LIPT1: variants seen among roughly 807,000 people sequenced by gnomAD.
LIPT1 encodes lipoyltransferase 1, also known as lipoyl amidotransferase LIPT1, mitochondrial.
A neutral mutation model predicts 25.1 loss-of-function variants in LIPT1; 22 were observed. That is an observed-to-expected ratio of 0.88 (90% CI 0.63 to 1.25). The LOEUF is 1.25. LIPT1 is among the 50% of genes most tolerant of loss of function. The probability of loss-of-function intolerance (pLI) is 0.00; values close to 1 mark genes in which losing one functional copy is unlikely to be tolerated. For missense variants in LIPT1, 399 were observed against 432.8 expected, an observed-to-expected ratio of 0.92 and a Z score of 0.69; for synonymous variants, 131 against 150.8, an observed-to-expected ratio of 0.87 and a Z score of 0.96.
At chr2:99,155,315 CT>C (rs1345819361) in intron 1 of LIPT1, 3 of 370,886 alleles carry the variant, frequency 8.1e-6, no homozygotes, top group African/African-American at 4.2e-5. Flanking sequence ...TGCACGCCCC[CT>C]GGGAGCCAAA....
rs771711052 is a variant in LIPT1, at chr2:99,162,810, T to C, written c.853T>C (p.Phe285Leu). The stretch of plus-strand genomic sequence containing the variant: ...TCCAAAGTTTAGTATAAATACTTCC[T>C]TTCATGTGTTATATGAACAGTCACA... ...KTPKFSINTS[F>L]HVLYEQSHLE... Residue 285 changes from phenylalanine to leucine, a missense_variant, in exon 2 of 2, where the codon TTT becomes CTT. Physicochemically the swap from Phe to Leu is conservative, Grantham distance 22. Transcript: ENST00000651691. 3 of 1,614,102 alleles carry C rather than the reference T, an allele frequency of 1.9e-6. No individual in the cohort carries two copies. Among genetic ancestry groups the C allele is most frequent in the Admixed American group, 3.3e-5 (2 of 60,020 alleles).
chr2:99,157,743 G>A (rs757995372), intron 1 of LIPT1, among the ~76,000 whole-genome samples: 8 of 152,050 alleles, frequency 5.3e-5, no homozygotes, highest in Non-Finnish European at 7.4e-5. Flanking sequence ...CTGTATGTCC[G>A]TTAAATGTTG....
chr2:99,155,224 C>G (rs916948273), intron 1 of LIPT1, 173 bp downstream of exon 1: 3 of 372,074 alleles, frequency 8.1e-6, no homozygotes, highest in African/African-American at 6.3e-5. Context: ...TTGGGACGAC[C>G]TAATTTCACT....
At position 99,162,587 on chromosome 2, in the gene LIPT1, C is replaced by T. The variant is rs1345428943; in HGVS notation, c.630C>T (p.Ser210=). The T allele has an allele frequency of 7.4e-6, 12 of 1,614,032 alleles. No homozygotes were observed. In the Admixed American group the frequency reaches 2.0e-4, roughly 27 times the overall value. The change falls in exon 2 of 2, where the codon TCC becomes TCT. Residue 210 remains serine, a synonymous_variant. Transcript: ENST00000651691. ...GCAATGCCACTGCTAGCATACCTTC[C>T]TTAGTGAAAAATCTTTTGGAAAAGG... is the stretch of plus-strand genomic sequence containing the variant. ...IRSNATASIP[S]LVKNLLEKDP...
rs1351097491 is a variant in LIPT1 at position 99,162,279 on chromosome 2, C to CATGAT, written c.326_330dup (p.Gly111IlefsTer7). ...AAGAAGTGGAGGAGGAACAGTCTACCATGATATGGGTAATATCAATTTGAC... is the reference window on the plus strand; with the variant it reads ...AAGAAGTGGAGGAGGAACAGTCTACCATGATATGATATGGGTAATATCAATTTGAC... On this transcript the variant is annotated frameshift_variant, in exon 2 of 2. Coordinates refer to ENST00000651691, the MANE Select transcript of LIPT1 (RefSeq NM_145199.3). LOFTEE classifies it high-confidence loss of function. The CATGAT allele has an allele frequency of 6.2e-7, 1 of 1,612,140 alleles. No individual in the cohort carries two copies. Among genetic ancestry groups the CATGAT allele is most frequent in the Non-Finnish European group, 8.5e-7 (1 of 1,179,202 alleles).
intron 1 of LIPT1, among the ~76,000 whole-genome samples, chr2:99,159,696 T>C (rs896289930): frequency 6.6e-6 from 1 of 152,310 alleles, no homozygotes; most frequent in South Asian, 2.1e-4. Context: ...AAATACTTGT[T>C]GAATGAATAT....
At position 99,161,878 on chromosome 2, in the gene LIPT1, C is replaced by T. The variant is rs1395473018; in HGVS notation, c.-1-79C>T. 3.1e-5 allele frequency: 40 copies of T among 1,283,570 alleles called. 1 individual carries two copies. Among genetic ancestry groups the T allele is most frequent in the South Asian group, 3.1e-4 (20 of 65,108 alleles). 79.5% of individuals were successfully genotyped at this position (1,283,570 alleles called of 1,614,324 possible). On this transcript the variant is annotated intron_variant, in intron 1 of 1. Transcript: ENST00000651691. Reference sequence around the variant, plus strand: ...ATACTTTAAGTTTGGATTAAATAACCGATAATTGATAGTTAGAAAATAGAA... The same window carrying T: ...ATACTTTAAGTTTGGATTAAATAACTGATAATTGATAGTTAGAAAATAGAA...
At chr2:99,158,706 C>T (rs1036245256) in intron 1 of LIPT1, among the ~76,000 whole-genome samples, 17 of 152,246 alleles carry the variant, frequency 1.1e-4, no homozygotes, top group Non-Finnish European at 1.9e-4. Context: ...TCCTTTTCCA[C>T]TAAGCTGTTG....
intron 1 of LIPT1, 45 bp downstream of exon 1, chr2:99,155,096 A>G (rs375086253): frequency 4.4e-6 from 2 of 453,998 alleles, no homozygotes; most frequent in East Asian, 7.0e-5. Context: ...TGCGGGCCGT[A>G]GCGCGTGGGC....
chr2:99,158,967 C>T (rs1465697270), intron 1 of LIPT1, among the ~76,000 whole-genome samples: 3 of 152,114 alleles, frequency 2.0e-5, no homozygotes, highest in African/African-American at 7.2e-5. Context: ...CTTGCTCTGT[C>T]GCCCAGGCTG....
At chr2:99,158,831 G>C (rs559844575) in intron 1 of LIPT1, among the ~76,000 whole-genome samples, 5 of 152,142 alleles carry the variant, frequency 3.3e-5, no homozygotes, top group Non-Finnish European at 7.4e-5. Context: ...ACAGCATTTA[G>C]GACACTGTAT....
In LIPT1 at chr2:99,163,033, A is replaced by ATT; in HGVS notation, c.1076_1077insTT (p.Lys361ValfsTer13). On this transcript the variant is annotated frameshift_variant, in exon 2 of 2. Coordinates refer to ENST00000651691, the MANE Select transcript of LIPT1 (RefSeq NM_145199.3). LOFTEE classifies it high-confidence loss of function. ...ACATGTCCACAAGACCACAAACTAA[A>ATT]CAGTAAATGGAATATTCTCTGTGAA... 6.3e-7 allele frequency: 1 copy of ATT among 1,594,500 alleles called. No homozygotes were observed. Among genetic ancestry groups the ATT allele is most frequent in the Non-Finnish European group, 8.5e-7 (1 of 1,171,390 alleles).
rs147171605 is a variant in LIPT1 at position 99,163,064 on chromosome 2, T to A, written c.1107T>A (p.Ile369=). 3.7e-5 allele frequency: 58 copies of A among 1,553,570 alleles called. No homozygotes were observed. In the African/African-American group the frequency reaches 7.3e-4, roughly 20 times the overall value. ...AATGGAATATTCTCTGTGAAAAAAT[T>A]AAGGGAATAATGTGATTCCAAGTAA... The part of the protein sequence containing the change: ...NSKWNILCEK[I]KGIM Residue 369 remains isoleucine (I), a synonymous_variant, in exon 2 of 2, where the codon ATT becomes ATA. Transcript: ENST00000651691.
At chr2:99,156,302 C>T (rs766658518) in intron 1 of LIPT1, 12 of 152,094 alleles carry the variant, frequency 7.9e-5, no homozygotes, top group African/African-American at 2.9e-4. Context: ...TTTTAATAGA[C>T]TGAATCTCGC....
Position 99,162,049 on chromosome 2 carries a change from G to C in LIPT1, c.92G>C (p.Gly31Ala). 1 of 1,613,818 alleles carries C rather than the reference G, an allele frequency of 6.2e-7. No homozygotes were observed. Among genetic ancestry groups the C allele is most frequent in the Non-Finnish European group, 8.5e-7 (1 of 1,179,890 alleles). Residue 31 changes from glycine (G) to alanine (A), a missense_variant, in exon 2 of 2, where the codon GGG becomes GCG. Gly to Ala is a moderately conservative substitution (Grantham distance 60, BLOSUM62 0). Coordinates refer to ENST00000651691, the MANE Select transcript of LIPT1 (RefSeq NM_145199.3). ...GGCTTTAAAAAAACAGTAAAAAATG[G>C]GCTCATTTTACAGTCAATTTCCAAT... Reference protein sequence around the residue: ...AAGFKKTVKNGLILQSISNDV... With the variant: ...AAGFKKTVKNALILQSISNDV...
intron 1 of LIPT1, among the ~76,000 whole-genome samples, chr2:99,161,141 T>C (rs1184401641): frequency 6.7e-6 from 1 of 149,848 alleles, no homozygotes; most frequent in East Asian, 2.0e-4. Context: ...GGCAGGCGTC[T>C]GTTATCCCAG....
intron 1 of LIPT1, chr2:99,155,391 G>C (rs2093741017): frequency 4.6e-6 from 2 of 431,646 alleles, no homozygotes; most frequent in Admixed American, 2.8e-5. Context: ...TCATTAGAGA[G>C]GGGACAAAAT....
chr2:99,155,198 A>G, intron 1 of LIPT1, 147 bp downstream of exon 1: 1 of 391,538 alleles, frequency 2.6e-6, no homozygotes, highest in South Asian at 1.8e-5. Context: ...TTGTGTGCAC[A>G]CTTTCTCCTC....
chr2:99,162,526 C>T lies in LIPT1; in HGVS notation c.569C>T (p.Ser190Phe), dbSNP rs1276156862. The change falls in exon 2 of 2, where the codon TCT (serine) becomes TTT (phenylalanine). Residue 190 changes from serine (S) to phenylalanine (F), a missense_variant. Physicochemically the swap from Ser to Phe is radical, Grantham distance 155 (BLOSUM62 -2). Coordinates refer to ENST00000651691, the MANE Select transcript of LIPT1 (RefSeq NM_145199.3). ...TGTAGTACTGATGGGACGTTCTTGT[C>T]TTCTTTGCTAAAGAGCCCTTACCAA... ...LLCSTDGTFL[S>F]SLLKSPYQGI... 1 of 1,613,936 alleles carries T rather than the reference C, an allele frequency of 6.2e-7. No individual in the cohort carries two copies. Among genetic ancestry groups the T allele is most frequent in the Non-Finnish European group, 8.5e-7 (1 of 1,179,924 alleles).
Sources: gnomAD v4.1 joint callset for allele counts (sites outside exome capture counted in the v4.1 genomes callset) on GRCh38, gnomAD v4.1.1 for gene constraint, MANE v1.5 for transcripts, NCBI Gene and HGNC (gene_info 2026-07-23, HGNC 2026-07-21) for gene names.